RARB: variants seen among roughly 807,000 people sequenced by gnomAD.
RARB encodes the protein retinoic acid receptor beta, also known as HBV-activated protein.
Under a neutral mutation model 51.9 loss-of-function variants are expected in RARB, and 17 were observed. That is an observed-to-expected ratio of 0.33 (90% CI 0.22 to 0.49). The LOEUF is 0.49. Among genes scored for constraint, RARB ranks in the 20% least tolerant of loss-of-function variants. The probability of loss-of-function intolerance (pLI) is 0.99; values close to 1 mark genes in which losing one functional copy is unlikely to be tolerated. For missense variants in RARB, 369 were observed against 550.8 expected, an observed-to-expected ratio of 0.67 and a Z score of 3.30; for synonymous variants, 215 against 195.4, an observed-to-expected ratio of 1.10 and a Z score of -0.84.
intron 3 of RARB, among the ~76,000 whole-genome samples, chr3:25,097,294 A>C (rs1376686702): frequency 6.6e-6 from 1 of 152,218 alleles, no homozygotes; most frequent in African/African-American, 2.4e-5. Context: ...CAGGGAAACT[A>C]AAAGAGAAGC....
At chr3:25,447,347 A>G (rs536580671) in intron 1 of RARB, among the ~76,000 whole-genome samples, 20 of 152,246 alleles carry the variant, frequency 1.3e-4, no homozygotes, top group African/African-American at 4.6e-4. Context: ...CACTCATGAC[A>G]GCCTCTGACC....
At chr3:25,244,760 A>G (rs753364637) in intron 5 of RARB, among the ~76,000 whole-genome samples, 1 of 152,136 alleles carries the variant, frequency 6.6e-6, no homozygotes, top group Non-Finnish European at 1.5e-5. Flanking sequence ...TATAAGTGCT[A>G]TGTAGTGCTG....
intron 5 of RARB, among the ~76,000 whole-genome samples, chr3:25,407,172 C>T (rs777819340): frequency 6.6e-6 from 1 of 152,282 alleles, no homozygotes; most frequent in Non-Finnish European, 1.5e-5. Flanking sequence ...TCCCCACTGC[C>T]TATAGTCCAG....
At chr3:24,993,627 T>A (rs891643893) in intron 2 of RARB, among the ~76,000 whole-genome samples, 1 of 152,172 alleles carries the variant, frequency 6.6e-6, no homozygotes, top group Non-Finnish European at 1.5e-5. Context: ...TTAGCTGTAA[T>A]TTTATATCCT....
chr3:25,197,344 T>C (rs1018351948), intron 5 of RARB, among the ~76,000 whole-genome samples: 6 of 152,166 alleles, frequency 3.9e-5, no homozygotes, highest in African/African-American at 1.4e-4. Context: ...ATTTCTTGTT[T>C]TTGTCAGGTT....
intron 3 of RARB, among the ~76,000 whole-genome samples, chr3:25,130,212 C>T (rs1052201407): frequency 1.3e-4 from 20 of 152,076 alleles, no homozygotes; most frequent in African/African-American, 4.8e-4. Flanking sequence ...TAGCACCAGT[C>T]TTTACTGAGG....
intron 5 of RARB, among the ~76,000 whole-genome samples, chr3:25,362,088 C>A (rs1324560557): frequency 6.6e-6 from 1 of 152,274 alleles, no homozygotes; most frequent in Admixed American, 6.5e-5. Flanking sequence ...ACAGCCGCCC[C>A]TTCCTCTAGG....
At chr3:25,577,749 AC>A (rs1700998105) in intron 4 of RARB, among the ~76,000 whole-genome samples, 1 of 152,188 alleles carries the variant, frequency 6.6e-6, no homozygotes, top group South Asian at 2.1e-4. Flanking sequence ...AGAGAACCAA[AC>A]CAGCAGAAGA....
chr3:25,422,421 G>C (rs1451684958), intron 5 of RARB, among the ~76,000 whole-genome samples: 2 of 152,132 alleles, frequency 1.3e-5, no homozygotes, highest in African/African-American at 4.8e-5. Flanking sequence ...GCTGCAGCAT[G>C]GTAGTGCCAT....
intron 2 of RARB, among the ~76,000 whole-genome samples, chr3:24,991,882 C>G (rs1696919372): frequency 6.6e-6 from 1 of 152,000 alleles, no homozygotes; most frequent in Admixed American, 6.5e-5. Flanking sequence ...TGTTCCCTAT[C>G]TCCCCCTGCC....
chr3:25,482,204 A>T (rs1376224131), intron 2 of RARB, among the ~76,000 whole-genome samples: 1 of 152,174 alleles, frequency 6.6e-6, no homozygotes, highest in Non-Finnish European at 1.5e-5. Flanking sequence ...CTTTCCTTCT[A>T]TATTCAAGTG....
rs146397279 is a variant in RARB at position 25,271,139 on chromosome 3, T to G, written c.178+96564T>G. ...GCATCAAAATGAGGTTGGTCAGAGA[T>G]ATTACACCAACCAATTACGATGGAA... is the stretch of plus-strand genomic sequence containing the variant. On this transcript the variant is annotated intron_variant, in intron 5 of 11. Coordinates refer to the RARB transcript ENST00000383772. Among the ~76,000 whole-genome samples the G allele has an allele frequency of 2.6e-3, 393 of 152,356 alleles. 1 individual carries two copies. The highest frequency in any genetic ancestry group is 7.6e-3 in the African/African-American group (315 of 41,584).
chr3:25,360,413 C>T (rs933238154), intron 5 of RARB, among the ~76,000 whole-genome samples: 3 of 152,136 alleles, frequency 2.0e-5, no homozygotes, highest in Non-Finnish European at 4.4e-5. Flanking sequence ...ACTGATGGGT[C>T]TTGACTTTTG....
At position 24,952,418 on chromosome 3, in the gene RARB, C is replaced by T. The variant is rs531629024; in HGVS notation, c.-380+93666C>T. On this transcript the variant is annotated intron_variant, in intron 2 of 11. Transcript: ENST00000383772. ...CTTGTTTTTGACCCTCTCAAAAATT[C>T]TTTTCTAGGTTTTCCTTTACTAAAA... 1.3e-4 allele frequency among the ~76,000 whole-genome samples: 20 copies of T among 152,244 alleles called. 1 individual carries two copies. Among genetic ancestry groups the T allele is most frequent in the Middle Eastern group, 6.8e-3 (2 of 294 alleles).
At chr3:25,342,648 G>C (rs57697446) in intron 5 of RARB, among the ~76,000 whole-genome samples, 19,860 of 152,176 alleles carry the variant, frequency 0.13, 1,374 homozygotes, top group South Asian at 0.2. Context: ...AATGAGAAAA[G>C]TATAACCCAC....
intron 2 of RARB, among the ~76,000 whole-genome samples, chr3:24,914,538 C>G (rs557303907): frequency 7.9e-5 from 12 of 152,240 alleles, no homozygotes; most frequent in African/African-American, 2.2e-4. Flanking sequence ...TTCTGGTTCC[C>G]CTCTCAGGTA....
chr3:25,481,412 G>C (rs1293589124), intron 2 of RARB, among the ~76,000 whole-genome samples: 4 of 152,150 alleles, frequency 2.6e-5, no homozygotes, highest in African/African-American at 9.7e-5. Flanking sequence ...GAATTTTTCT[G>C]CATTTAAAAA....
rs1297057656 is a variant in RARB, at chr3:25,041,409, G to T, written c.-379-18716G>T. ...TTACTTGGAAAGTTCATAGAACAAG[G>T]TCTGTAGATCTGACTTTCAAATAAA... is the stretch of plus-strand genomic sequence containing the variant. On this transcript the variant is annotated intron_variant, in intron 2 of 11. Coordinates refer to the RARB transcript ENST00000383772. Among the ~76,000 whole-genome samples, 3 of 152,032 alleles carry T rather than the reference G, an allele frequency of 2.0e-5. No homozygotes were observed. In the East Asian group the frequency reaches 5.8e-4, roughly 29 times the overall value.
intron 3 of RARB, among the ~76,000 whole-genome samples, chr3:25,063,041 T>C (rs1698582003): frequency 6.6e-6 from 1 of 151,934 alleles, no homozygotes; most frequent in Non-Finnish European, 1.5e-5. Context: ...ACGAGAACTG[T>C]GTAACTTAGG....
Sources: allele counts gnomAD v4.1 joint callset (sites outside exome capture counted in the v4.1 genomes callset), GRCh38; gene constraint gnomAD v4.1.1; transcripts MANE v1.5; gene names NCBI Gene and HGNC (gene_info 2026-07-23, HGNC 2026-07-21).